Variants in SH3BP1 observed in about 807,000 individuals in gnomAD.
SH3BP1 encodes SH3 domain-binding protein 1.
Under a neutral mutation model 69.8 loss-of-function variants are expected in SH3BP1, and 46 were observed. The ratio of observed to expected loss-of-function variants is 0.66; its 90% CI spans 0.52 to 0.84. The LOEUF (loss-of-function observed/expected upper bound fraction) is 0.84, where lower values mean the gene tolerates loss of function less well. Among genes scored for constraint, SH3BP1 ranks in the 40% least tolerant of loss-of-function variants. The pLI is 0.00. For missense variants in SH3BP1, 868 were observed against 930.9 expected, an observed-to-expected ratio of 0.93 and a Z score of 0.88; for synonymous variants, 403 against 378.0, an observed-to-expected ratio of 1.07 and a Z score of -0.77.
Position 37,652,081 on chromosome 22 carries a change from T to A in SH3BP1, c.1598+1356T>A, listed in dbSNP as rs944047075. Among the ~76,000 whole-genome samples, 23 of 151,904 alleles carry A rather than the reference T, an allele frequency of 1.5e-4. 1 individual carries two copies. The highest frequency in any genetic ancestry group is 1.4e-3 in the Admixed American group (21 of 15,250). On this transcript the variant is annotated intron_variant, in intron 16 of 17. Transcript: ENST00000649765. ...TGGCTCACGCCTGTAATCCCAGCAC[T>A]TTGGGAGGCCGAGGCAGGCGAGATC...
intron 11 of SH3BP1, 21 bp downstream of exon 11, chr22:37,646,950 T>C: frequency 6.8e-7 from 1 of 1,476,956 alleles, no homozygotes; most frequent in Non-Finnish European, 9.0e-7. Flanking sequence ...CGGGGAGCCC[T>C]GGGCAGGAGG....
At chr22:37,646,789 G>C (rs1431041557) in intron 10 of SH3BP1, 29 bp from the exon 11 acceptor site, 1 of 1,428,054 alleles carries the variant, frequency 7.0e-7, no homozygotes, top group Non-Finnish European at 9.3e-7. Flanking sequence ...ACCCCTCTGT[G>C]ACCCTTGCCT....
At chr22:37,651,641 T>A (rs1255650586) in intron 16 of SH3BP1, among the ~76,000 whole-genome samples, 1 of 152,044 alleles carries the variant, frequency 6.6e-6, no homozygotes, top group Non-Finnish European at 1.5e-5. Context: ...CCGTCTTCTC[T>A]TTGATCGTTT....
At position 37,643,807 on chromosome 22, in the gene SH3BP1, C is replaced by T; in HGVS notation, c.618+19C>T. On this transcript the variant is annotated intron_variant, in intron 7 of 17. Coordinates refer to ENST00000649765, the MANE Select transcript of SH3BP1 (RefSeq NM_018957.6). Reference sequence around the variant, plus strand: ...ATGCAGGGTGAGGGCCATGGGGGTCCCCTGGATATGTAGGGGTGGCAGGGG... The same window carrying T: ...ATGCAGGGTGAGGGCCATGGGGGTCTCCTGGATATGTAGGGGTGGCAGGGG... 1 of 1,611,210 alleles carries T rather than the reference C, an allele frequency of 6.2e-7. No homozygotes were observed. The highest frequency in any genetic ancestry group is 8.5e-7 in the Non-Finnish European group (1 of 1,179,738).
At chr22:37,645,060 G>A in intron 9 of SH3BP1, 100 bp downstream of exon 9, 1 of 1,137,660 alleles carries the variant, frequency 8.8e-7, no homozygotes, top group Non-Finnish European at 1.3e-6. Context: ...AGGAAGCTGT[G>A]GATGGGTTCT....
In SH3BP1 at chr22:37,655,766, A is replaced by G; in HGVS notation, c.*82A>G. 7.1e-7 allele frequency: 1 copy of G among 1,413,218 alleles called. No individual in the cohort carries two copies. The highest frequency in any genetic ancestry group is 9.2e-7 in the Non-Finnish European group (1 of 1,083,292). The allele number at this position is 1,413,218 out of a possible 1,614,324, so 87.5% of individuals were successfully genotyped here. On this transcript the variant is annotated 3_prime_UTR_variant, in exon 18 of 18. Coordinates refer to ENST00000649765, the MANE Select transcript of SH3BP1 (RefSeq NM_018957.6). ...CCCAGGACAGCTCTCGCCCCCCACA[A>G]AGGGGCATGGGCCTCCAGCCTTTGC... is the stretch of plus-strand genomic sequence containing the variant.
At chr22:37,641,331 A>T in intron 2 of SH3BP1, 43 bp from the exon 3 acceptor site, 1 of 1,541,664 alleles carries the variant, frequency 6.5e-7, no homozygotes, top group African/African-American at 1.4e-5. Flanking sequence ...GCTCAGGGGG[A>T]GACAGCCTCT....
rs775730943 is a variant in SH3BP1 at position 37,644,938 on chromosome 22, G to A, written c.756G>A (p.Leu252=). 2 of 1,614,000 alleles carry A rather than the reference G, an allele frequency of 1.2e-6. No homozygotes were observed. Among genetic ancestry groups the A allele is most frequent in the Non-Finnish European group, 1.7e-6 (2 of 1,180,030 alleles). The change falls in exon 9 of 18, where the codon CTG becomes CTA. Residue 252 remains leucine (L), a synonymous_variant. Coordinates refer to ENST00000649765, the MANE Select transcript of SH3BP1 (RefSeq NM_018957.6). ...LSSLDTALAE[L]RENHGQADHS... ...CGCTGGACACAGCCCTGGCTGAGCT[G>A]AGGGAGAACCACGGCCAAGCAGGTG... is the stretch of plus-strand genomic sequence containing the variant.
chr22:37,646,444 T>C (rs1932787059), intron 10 of SH3BP1, among the ~76,000 whole-genome samples: 1 of 149,930 alleles, frequency 6.7e-6, no homozygotes, highest in Non-Finnish European at 1.5e-5. Context: ...TTAGTAGAAA[T>C]GGGATTTCAC....
chr22:37,642,681 T>C, intron 4 of SH3BP1, 66 bp downstream of exon 4: 4 of 1,610,726 alleles, frequency 2.5e-6, no homozygotes, highest in Non-Finnish European at 3.4e-6. Flanking sequence ...TGGGAGGGGG[T>C]CCAGGTGGTG....
In SH3BP1 at chr22:37,650,789, A is replaced by G. The variant is rs1418763999; in HGVS notation, c.1598+64A>G. The G allele has an allele frequency of 4.7e-6, 7 of 1,503,202 alleles. 1 individual carries two copies. Among genetic ancestry groups the G allele is most frequent in the South Asian group, 3.9e-5 (3 of 76,032 alleles). 93.1% of individuals were successfully genotyped at this position (1,503,202 alleles called of 1,614,324 possible). On this transcript the variant is annotated intron_variant, in intron 16 of 17. Coordinates refer to ENST00000649765, the MANE Select transcript of SH3BP1 (RefSeq NM_018957.6). ...CCACAATCAGCCTGCCTGAGGCGCC[A>G]TGTCTCAGAGCTGGAAGCTGAATTT...
chr22:37,651,110 T>G (rs1310318541), intron 16 of SH3BP1, among the ~76,000 whole-genome samples: 1 of 152,078 alleles, frequency 6.6e-6, no homozygotes, highest in Non-Finnish European at 1.5e-5. Context: ...CTTGGCTCAC[T>G]GCAACCTGTG....
chr22:37,650,134 T>TG lies in SH3BP1; in HGVS notation c.1317-17dup. The TG allele has an allele frequency of 6.2e-7, 1 of 1,613,994 alleles. No individual in the cohort carries two copies. ...GGTCACAAACCCTTTGCTGAGCAGA[T>TG]GCATCTCTTTGTCCCAGGGACCAGG... On this transcript the variant is annotated splice_polypyrimidine_tract_variant and intron_variant, in intron 14 of 17. Transcript: ENST00000649765.
chr22:37,645,081 C>T, intron 9 of SH3BP1, 121 bp downstream of exon 9: 1 of 978,240 alleles, frequency 1.0e-6, no homozygotes, highest in Non-Finnish European at 1.5e-6. Context: ...GAGAGCTAGG[C>T]TCAATCTGTG....
chr22:37,653,390 C>G (rs944043420), intron 16 of SH3BP1, among the ~76,000 whole-genome samples: 3 of 152,102 alleles, frequency 2.0e-5, no homozygotes, highest in Non-Finnish European at 2.9e-5. Context: ...GAGCCAAGAT[C>G]GCACCACTGC....
intron 17 of SH3BP1, 75 bp from the exon 18 acceptor site, chr22:37,655,197 G>C (rs1400585149): frequency 4.7e-5 from 51 of 1,080,086 alleles, no homozygotes; most frequent in Non-Finnish European, 6.3e-5. Flanking sequence ...AGGTTGTGAG[G>C]GGGCACGGAG....
intron 2 of SH3BP1, 40 bp from the exon 3 acceptor site, chr22:37,641,334 C>G: frequency 6.5e-7 from 1 of 1,543,814 alleles, no homozygotes; most frequent in Non-Finnish European, 8.8e-7. Context: ...CAGGGGGAGA[C>G]AGCCTCTCTT....
chr22:37,642,964 C>T lies in SH3BP1; in HGVS notation c.354C>T (p.Thr118=). ...LARILAEFEM[T]LERDVLQPLS... ...GCATCCTGGCCGAGTTTGAGATGAC[C>T]CTGGAGAGGGACGTCCTGCAGCCAC... Residue 118 remains threonine (T), a synonymous_variant, in exon 5 of 18, where the codon ACC becomes ACT. Transcript: ENST00000649765. 1.2e-6 allele frequency: 2 copies of T among 1,612,854 alleles called. No homozygotes were observed. The highest frequency in any genetic ancestry group is 1.7e-6 in the Non-Finnish European group (2 of 1,179,960).
intron 7 of SH3BP1, among the ~76,000 whole-genome samples, chr22:37,644,179 A>T (rs1601582697): frequency 6.6e-6 from 1 of 152,204 alleles, no homozygotes. Context: ...GGAGTTCAAG[A>T]CCAGCCTGGC....
Sources: allele counts gnomAD v4.1 joint callset (sites outside exome capture counted in the v4.1 genomes callset), GRCh38; gene constraint gnomAD v4.1.1; transcripts MANE v1.5; gene names NCBI Gene and HGNC (gene_info 2026-07-23, HGNC 2026-07-21).